SHCBP1L: variants seen among roughly 807,000 people sequenced by gnomAD.
SHCBP1L encodes the protein SHC binding and spindle associated 1 like, also known as testicular spindle-associated protein SHCBP1L.
In SHCBP1L, 67 loss-of-function variants were observed where a neutral mutation model predicts 62.5. That is an observed-to-expected ratio of 1.07 (90% CI 0.88 to 1.31). The LOEUF (loss-of-function observed/expected upper bound fraction) is 1.31, where lower values mean the gene tolerates loss of function less well. Ranked by LOEUF, SHCBP1L falls within the 40% of genes most tolerant of loss-of-function variation. The probability of loss-of-function intolerance (pLI) is 0.00; values close to 1 mark genes in which losing one functional copy is unlikely to be tolerated. For missense variants in SHCBP1L, 823 were observed against 809.8 expected (o/e 1.02, Z -0.20); for synonymous variants, 284 against 289.4 (o/e 0.98, Z 0.19).
At chr1:182,946,593 A>C (rs956719290) in intron 2 of SHCBP1L, among the ~76,000 whole-genome samples, 4 of 151,966 alleles carry the variant, frequency 2.6e-5, no homozygotes, top group Admixed American at 6.6e-5. Context: ...ACCCTTAACC[A>C]TGCTCCTCAA....
At chr1:182,940,739 A>G (rs1651334917) in intron 2 of SHCBP1L, among the ~76,000 whole-genome samples, 196 bp from the exon 3 acceptor site, 1 of 152,162 alleles carries the variant, frequency 6.6e-6, no homozygotes, top group Non-Finnish European at 1.5e-5. Flanking sequence ...CTTCTTAAAT[A>G]CATTTTTTTT....
At chr1:182,911,145 C>T (rs368345878) in intron 6 of SHCBP1L, among the ~76,000 whole-genome samples, 2 of 152,148 alleles carry the variant, frequency 1.3e-5, no homozygotes, top group East Asian at 3.9e-4. Context: ...CTGCCTCAGC[C>T]TCCCGAAGTG....
chr1:182,920,111 G>T (rs1473931594), intron 6 of SHCBP1L, among the ~76,000 whole-genome samples: 2 of 152,222 alleles, frequency 1.3e-5, no homozygotes, highest in East Asian at 1.9e-4. Flanking sequence ...TGGCACATAT[G>T]CAGGAGCACA....
chr1:182,905,315 A>G (rs1331395940), intron 7 of SHCBP1L, among the ~76,000 whole-genome samples, 181 bp downstream of exon 7: 1 of 152,234 alleles, frequency 6.6e-6, no homozygotes, highest in Non-Finnish European at 1.5e-5. Flanking sequence ...TTGGGTAAAA[A>G]ATATAAATGG....
chr1:182,924,724 GAAA>G, intron 6 of SHCBP1L, among the ~76,000 whole-genome samples: 1 of 61,232 alleles, frequency 1.6e-5, no homozygotes, highest in African/African-American at 1.5e-4. Context: ...AAGAAAGAAA[GAAA>G]GAAAGAAAGA....
At chr1:182,914,862 T>G (rs1245831871) in intron 6 of SHCBP1L, among the ~76,000 whole-genome samples, 1 of 152,006 alleles carries the variant, frequency 6.6e-6, no homozygotes, top group East Asian at 1.9e-4. Context: ...AATCCAACTA[T>G]ATGATGTTAC....
chr1:182,916,589 C>A (rs748450122), intron 6 of SHCBP1L, among the ~76,000 whole-genome samples: 2 of 152,008 alleles, frequency 1.3e-5, no homozygotes, highest in Non-Finnish European at 2.9e-5. Flanking sequence ...TATATGTACA[C>A]CTATGAACAA....
rs746117204 is a variant in SHCBP1L, at chr1:182,953,074, G to C, written c.60C>G (p.Asp20Glu). ...CGGAGGCGGACTTCTCGCCTCGCCT[G>C]TCCGGGCTGATGGTGCGGAATGAGT... ...PADSFRTISP[D>E]RRGEKSASAV... The change falls in exon 1 of 10, where the codon GAC (aspartate) becomes GAG (glutamate). Residue 20 changes from aspartate (D) to glutamate (E), a missense_variant. Asp to Glu is a conservative substitution (Grantham distance 45). Transcript: ENST00000367547. 39 of 1,555,232 alleles carry C rather than the reference G, an allele frequency of 2.5e-5. No homozygotes were observed. Among genetic ancestry groups the C allele is most frequent in the Non-Finnish European group, 3.2e-5 (37 of 1,157,088 alleles).
intron 6 of SHCBP1L, among the ~76,000 whole-genome samples, chr1:182,917,871 C>T (rs970271020): frequency 3.3e-5 from 5 of 151,966 alleles, no homozygotes; most frequent in African/African-American, 1.2e-4. Context: ...TGGAGGGACG[C>T]AATTCTGCCA....
chr1:182,933,566 T>G (rs975517868), intron 5 of SHCBP1L, among the ~76,000 whole-genome samples: 1 of 152,126 alleles, frequency 6.6e-6, no homozygotes. Flanking sequence ...TAATTTGTCA[T>G]ATGATTTTTC....
In SHCBP1L at chr1:182,915,161, C is replaced by CAAAAAA. The variant is rs371432299; in HGVS notation, c.1183-9518_1183-9513dup. Among the ~76,000 whole-genome samples, 70 of 31,884 alleles carry CAAAAAA rather than the reference C, an allele frequency of 2.2e-3. 5 individuals are homozygous for CAAAAAA. The highest frequency in any genetic ancestry group is 3.8e-3 in the African/African-American group (48 of 12,628). The allele number at this position is 31,884 out of a possible 152,430, so 20.9% of individuals were successfully genotyped here. Reference sequence around the variant, plus strand: ...TGGGCAACAGAGGCAGACTCTGTCTCAAAAAAAAAAAAAAAAAAAAAAAAA... The same window carrying CAAAAAA: ...TGGGCAACAGAGGCAGACTCTGTCTCAAAAAAAAAAAAAAAAAAAAAAAAAAAAAAA... On this transcript the variant is annotated intron_variant, in intron 6 of 9. Coordinates refer to ENST00000367547, the MANE Select transcript of SHCBP1L (RefSeq NM_030933.4).
chr1:182,932,715 G>A (rs530541325), intron 5 of SHCBP1L, among the ~76,000 whole-genome samples: 1 of 152,048 alleles, frequency 6.6e-6, no homozygotes, highest in Admixed American at 6.5e-5. Context: ...GGCTTGTCTC[G>A]AACTCTTGAC....
chr1:182,926,151 T>C (rs548893660), intron 6 of SHCBP1L, among the ~76,000 whole-genome samples: 2 of 152,274 alleles, frequency 1.3e-5, no homozygotes, highest in African/African-American at 4.8e-5. Flanking sequence ...TGTCAATGAA[T>C]ATCACTTTAA....
At chr1:182,933,081 T>A (rs1651061507) in intron 5 of SHCBP1L, among the ~76,000 whole-genome samples, 3 of 152,004 alleles carry the variant, frequency 2.0e-5, no homozygotes, top group African/African-American at 7.3e-5. Context: ...AATTTCTGTA[T>A]TTTTAGTAGA....
chr1:182,941,189 G>GC (rs1651351099), intron 2 of SHCBP1L, among the ~76,000 whole-genome samples: 1 of 107,332 alleles, frequency 9.3e-6, no homozygotes, highest in South Asian at 3.2e-4. Flanking sequence ...ACAAAAGCAT[G>GC]TTAAAAAAAA....
chr1:182,900,368 G>T, intron 9 of SHCBP1L, 134 bp from the exon 10 acceptor site: 1 of 706,698 alleles, frequency 1.4e-6, no homozygotes, highest in Non-Finnish European at 2.2e-6. Context: ...TCTCAATTTT[G>T]AACAAGTGTT....
intron 6 of SHCBP1L, among the ~76,000 whole-genome samples, chr1:182,906,481 G>A (rs1378793132): frequency 6.7e-6 from 1 of 150,222 alleles, no homozygotes; most frequent in Non-Finnish European, 1.5e-5. Context: ...ACCCAGGTTG[G>A]TGTGCAATGG....
intron 1 of SHCBP1L, among the ~76,000 whole-genome samples, chr1:182,952,233 T>TAC (rs1558007644): frequency 7.2e-4 from 40 of 55,778 alleles, no homozygotes; most frequent in African/African-American, 9.7e-4. Context: ...TATATATATA[T>TAC]ATACACACAC....
chr1:182,944,945 TTTTC>T (rs1320446724), intron 2 of SHCBP1L, among the ~76,000 whole-genome samples: 18 of 150,694 alleles, frequency 1.2e-4, no homozygotes, highest in Admixed American at 3.3e-4. Flanking sequence ...TCATTTTCTT[TTTTC>T]TTTCTTTCTT....
Sources: gnomAD v4.1 joint callset for allele counts (sites outside exome capture counted in the v4.1 genomes callset) on GRCh38, gnomAD v4.1.1 for gene constraint, MANE v1.5 for transcripts, NCBI Gene and HGNC (gene_info 2026-07-23, HGNC 2026-07-21) for gene names.